The following CALHM4 variants were observed in gnomAD, a reference collection of about 807,000 sequenced individuals.
The protein encoded by CALHM4 is calcium homeostasis modulator protein 4.
Under a neutral mutation model 13.3 loss-of-function variants are expected in CALHM4, and 16 were observed. The observed-to-expected ratio is 1.20, with a 90% CI of 0.81 to 1.82. CALHM4 has a LOEUF of 1.82. Among genes scored for constraint, CALHM4 ranks in the 40% most tolerant of loss-of-function variants. CALHM4 has a pLI of 0.00. For synonymous variants in CALHM4, 127 were observed against 137.1 expected, an observed-to-expected ratio of 0.93 and a Z score of 0.52; for missense variants, 344 against 374.9, an observed-to-expected ratio of 0.92 and a Z score of 0.68.
At chr6:116,545,421 A>G (rs971382503) in intron 2 of CALHM4, 44 of 1,471,428 alleles carry the variant, frequency 3.0e-5, no homozygotes, top group Non-Finnish European at 3.7e-5. Flanking sequence ...GAAATCACTC[A>G]AGAAAACATT....
intron 1 of CALHM4, among the ~76,000 whole-genome samples, chr6:116,531,834 C>T (rs1250483509): frequency 6.7e-6 from 1 of 150,216 alleles, no homozygotes; most frequent in African/African-American, 2.4e-5. Flanking sequence ...ATGGAAAAAA[C>T]AATAATAAAT....
Position 116,554,357 on chromosome 6 carries a change from T to A in CALHM4, c.558+6T>A, listed in dbSNP as rs1774215496. On this transcript the variant is annotated splice_donor_region_variant and intron_variant, in intron 1 of 1. Coordinates refer to ENST00000368596, the MANE Select transcript of CALHM4 (RefSeq NM_001366078.2). ...TGCACAGATACCAGTCACAGGTAAG[T>A]TTTTAGAATTTTTTTCCCTCTGCTA... is the stretch of plus-strand genomic sequence containing the variant. 6.0e-6 allele frequency: 9 copies of A among 1,512,506 alleles called. No individual in the cohort carries two copies. The highest frequency in any genetic ancestry group is 7.9e-6 in the Non-Finnish European group (9 of 1,132,494). 93.7% of individuals were successfully genotyped at this position (1,512,506 alleles called of 1,614,324 possible).
intron 1 of CALHM4, among the ~76,000 whole-genome samples, chr6:116,557,602 T>G (rs1419119204): frequency 1.3e-5 from 2 of 152,322 alleles, no homozygotes; most frequent in East Asian, 3.9e-4. Context: ...CAAATTTCTT[T>G]GTAACTCAAA....
At chr6:116,541,662 A>G (rs1773472634) in intron 1 of CALHM4, among the ~76,000 whole-genome samples, 1 of 152,230 alleles carries the variant, frequency 6.6e-6, no homozygotes. Flanking sequence ...AGAAGCTCTC[A>G]CTGCAAAGAC....
At chr6:116,549,217 G>A (rs1236037270), upstream of CALHM4, among the ~76,000 whole-genome samples, 1 of 152,202 alleles carries the variant, frequency 6.6e-6, no homozygotes, top group African/African-American at 2.4e-5. Context: ...AACCTGGGAG[G>A]TGGAGGTTGC....
chr6:116,541,072 G>A lies in CALHM4; in HGVS notation c.-108-2693G>A, dbSNP rs552719229. Among the ~76,000 whole-genome samples the A allele has an allele frequency of 2.6e-5, 4 of 152,154 alleles. No homozygotes were observed. The South Asian group carries it at 6.2e-4, about 24-fold the overall frequency. ...CAGGGAAACAAACTATGGGATTGGGGGAAGGTATTGTATTATCTCCACCCC... is the reference window on the plus strand; with the variant it reads ...CAGGGAAACAAACTATGGGATTGGGAGAAGGTATTGTATTATCTCCACCCC... On this transcript the variant is annotated intron_variant, in intron 1 of 2. Transcript: ENST00000368597.
chr6:116,532,503 T>A (rs895487390), intron 1 of CALHM4, among the ~76,000 whole-genome samples: 5 of 152,204 alleles, frequency 3.3e-5, no homozygotes, highest in African/African-American at 1.2e-4. Flanking sequence ...CTATAAATGA[T>A]CCCTCCTTTG....
chr6:116,549,250 C>A (rs769705025), upstream of CALHM4, among the ~76,000 whole-genome samples: 25 of 152,172 alleles, frequency 1.6e-4, no homozygotes, highest in Non-Finnish European at 2.6e-4. Context: ...GGTGCCACTG[C>A]ACTCCATCCT....
chr6:116,554,246 C>A lies in CALHM4; in HGVS notation c.453C>A (p.Ser151Arg), dbSNP rs776523678. ...CAATGTTTGATAATGTCAGTGCCAG[C>A]AAACGAGAAGAGATCCTGGCTGGGT... ...HYPMFDNVSA[S>R]KREEILAGFP... The change falls in exon 1 of 2, where the codon AGC (serine) becomes AGA (arginine). Residue 151 changes from serine to arginine, a missense_variant. Transcript: ENST00000368596. 129 of 1,550,494 alleles carry A rather than the reference C, an allele frequency of 8.3e-5. No individual in the cohort carries two copies. Among genetic ancestry groups the A allele is most frequent in the Non-Finnish European group, 1.1e-4 (122 of 1,147,014 alleles).
intron 1 of CALHM4, among the ~76,000 whole-genome samples, chr6:116,537,436 T>C (rs2115221381): frequency 6.6e-6 from 1 of 152,316 alleles, no homozygotes; most frequent in African/African-American, 2.4e-5. Context: ...AAAGACAGAA[T>C]ATGGTTTCTG....
At chr6:116,534,492 T>G (rs77027510) in intron 1 of CALHM4, among the ~76,000 whole-genome samples, 6,099 of 152,306 alleles carry the variant, frequency 0.04, 324 homozygotes, top group African/African-American at 0.13. Flanking sequence ...TTTGCTGAAA[T>G]TTTTCTGTGT....
At chr6:116,548,348 C>G (rs1032089659) in intron 2 of CALHM4, among the ~76,000 whole-genome samples, 1 of 152,158 alleles carries the variant, frequency 6.6e-6, no homozygotes, top group South Asian at 2.1e-4. Flanking sequence ...GGTGTTTATA[C>G]TAGTCTGAAG....
intron 1 of CALHM4, among the ~76,000 whole-genome samples, chr6:116,533,677 C>T (rs1483292071): frequency 6.6e-6 from 1 of 152,234 alleles, no homozygotes; most frequent in African/African-American, 2.4e-5. Flanking sequence ...ACTTGTAACG[C>T]TAGAGCTCCA....
chr6:116,550,239 A>G (rs1774014286), upstream of CALHM4, among the ~76,000 whole-genome samples: 1 of 151,808 alleles, frequency 6.6e-6, no homozygotes, highest in Non-Finnish European at 1.5e-5. Context: ...ATTTTCAAGC[A>G]TTGTGTGTGG....
At chr6:116,530,902 C>CATATATATATATATATATATATATAT in intron 1 of CALHM4, among the ~76,000 whole-genome samples, 1 of 76,484 alleles carries the variant, frequency 1.3e-5, no homozygotes, top group Admixed American at 1.4e-4. Context: ...AAGTGAGACT[C>CATATATATATATATATATATATATAT]ATATATATAT....
chr6:116,547,122 A>G (rs1583306051), intron 2 of CALHM4, among the ~76,000 whole-genome samples: 1 of 152,280 alleles, frequency 6.6e-6, no homozygotes, highest in East Asian at 1.9e-4. Flanking sequence ...TTCCAAGTCA[A>G]ATTTATTTTG....
At chr6:116,541,994 A>C (rs1372595023) in intron 1 of CALHM4, among the ~76,000 whole-genome samples, 1 of 152,202 alleles carries the variant, frequency 6.6e-6, no homozygotes, top group Non-Finnish European at 1.5e-5. Flanking sequence ...TATTTCTTTC[A>C]TATTTGTTAA....
intron 1 of CALHM4, chr6:116,540,477 A>G: frequency 1.3e-6 from 2 of 1,549,834 alleles, no homozygotes; most frequent in Non-Finnish European, 1.7e-6. Context: ...GGATGACGGA[A>G]AGAGTGTGGT....
In CALHM4 at chr6:116,561,061, G is replaced by A. The variant is rs1480608618; in HGVS notation, c.*2850G>A. ...TCTGTGTCTCTTTTCTCTGTTCTCA[G>A]TCTTCCATTCATTTTTTGTAGAAAT... On this transcript the variant is annotated 3_prime_UTR_variant, in exon 2 of 2. Transcript: ENST00000368596. 6.6e-6 allele frequency among the ~76,000 whole-genome samples: 1 copy of A among 152,116 alleles called. No individual in the cohort carries two copies. Among genetic ancestry groups the A allele is most frequent in the East Asian group, 1.9e-4 (1 of 5,198 alleles).
Sources: allele counts gnomAD v4.1 joint callset (sites outside exome capture counted in the v4.1 genomes callset), GRCh38; gene constraint gnomAD v4.1.1; transcripts MANE v1.5; gene names NCBI Gene and HGNC (gene_info 2026-07-23, HGNC 2026-07-21).